The following CAPZB variants were observed in gnomAD, a reference collection of about 807,000 sequenced individuals.
CAPZB encodes capping actin protein of muscle Z-line subunit beta.
A neutral mutation model predicts 38.1 loss-of-function variants in CAPZB; 2 were observed. The ratio of observed to expected loss-of-function variants is 0.05; its 90% CI spans 0.02 to 0.17. CAPZB has a LOEUF of 0.17. Among genes scored for constraint, CAPZB ranks in the 10% least tolerant of loss-of-function variants. CAPZB has a pLI of 1.00. For synonymous variants in CAPZB, 107 were observed against 127.4 expected (o/e 0.84, Z 1.08); for missense variants, 161 against 334.2 (o/e 0.48, Z 4.04).
chr1:19,417,111 G>T (rs2094383496), intron 2 of CAPZB, among the ~76,000 whole-genome samples: 2 of 152,050 alleles, frequency 1.3e-5, no homozygotes, highest in African/African-American at 2.4e-5. Context: ...ACCCGCACGG[G>T]CAGCAAGGGA....
chr1:19,459,180 G>A (rs1051118498), intron 1 of CAPZB, among the ~76,000 whole-genome samples: 4 of 152,162 alleles, frequency 2.6e-5, no homozygotes, highest in Admixed American at 6.5e-5. Context: ...TGAGGACAAG[G>A]CTAATTTTAC....
At position 19,422,164 on chromosome 1, in the gene CAPZB, C is replaced by T. The variant is rs1405207498; in HGVS notation, c.4-2414G>A. On this transcript the variant is annotated intron_variant, in intron 1 of 8. Coordinates refer to ENST00000264202, the MANE Select transcript of CAPZB (RefSeq NM_004930.5). ...GCACACGTGCACACACATACACACA[C>T]ACCTCCAACAACCCTGCCAGGAGAC... Among the ~76,000 whole-genome samples the T allele has an allele frequency of 2.0e-5, 3 of 152,304 alleles. No homozygotes were observed. The East Asian group carries it at 5.8e-4, about 29-fold the overall frequency.
At position 19,372,781 on chromosome 1, in the gene CAPZB, G is replaced by C. The variant is rs111950188; in HGVS notation, c.329+5759C>G. 2.2e-4 allele frequency among the ~76,000 whole-genome samples: 33 copies of C among 152,252 alleles called. 1 individual carries two copies. The highest frequency in any genetic ancestry group is 7.7e-4 in the African/African-American group (32 of 41,548). On this transcript the variant is annotated intron_variant, in intron 4 of 8. Transcript: ENST00000264202. ...GGCCCGCTCGGCTGTCTTCCCCTCTGCCTCAGTGCTCAGTTCTCGTGACAT... is the reference window on the plus strand; with the variant it reads ...GGCCCGCTCGGCTGTCTTCCCCTCTCCCTCAGTGCTCAGTTCTCGTGACAT...
At chr1:19,434,599 T>A (rs1162406670) in intron 1 of CAPZB, among the ~76,000 whole-genome samples, 1 of 151,476 alleles carries the variant, frequency 6.6e-6, no homozygotes, top group Non-Finnish European at 1.5e-5. Context: ...ATTATCACCA[T>A]CTTCTTATAC....
intron 1 of CAPZB, among the ~76,000 whole-genome samples, chr1:19,464,330 C>T (rs1210806244): frequency 1.1e-4 from 15 of 134,224 alleles, no homozygotes; most frequent in African/African-American, 2.5e-4. Context: ...CTCGCTCTGT[C>T]GCCCAGGCTG....
At chr1:19,390,941 G>A (rs140187100) in intron 2 of CAPZB, among the ~76,000 whole-genome samples, 622 of 152,290 alleles carry the variant, frequency 4.1e-3, no homozygotes, top group Non-Finnish European at 7.3e-3. Context: ...TTTTAAAGAA[G>A]GGGAAACAGG....
At chr1:19,446,374 T>C (rs919112736) in intron 1 of CAPZB, among the ~76,000 whole-genome samples, 2 of 152,200 alleles carry the variant, frequency 1.3e-5, no homozygotes, top group Non-Finnish European at 1.5e-5. Flanking sequence ...GTGAGTAATA[T>C]GACAGTGAGC....
At chr1:19,429,440 C>A (rs574624082) in intron 1 of CAPZB, among the ~76,000 whole-genome samples, 1 of 152,142 alleles carries the variant, frequency 6.6e-6, no homozygotes, top group Non-Finnish European at 1.5e-5. Context: ...GGCAGAGATA[C>A]GATATACTAA....
chr1:19,378,484 G>A, intron 4 of CAPZB, 56 bp downstream of exon 4: 1 of 982,096 alleles, frequency 1.0e-6, no homozygotes, highest in Non-Finnish European at 1.7e-6. Flanking sequence ...CTGCCACTTA[G>A]GATTTACCTC....
In CAPZB at chr1:19,383,663, T is replaced by C. The variant is rs1014871487; in HGVS notation, c.215+1842A>G. Among the ~76,000 whole-genome samples, 9 of 152,138 alleles carry C rather than the reference T, an allele frequency of 5.9e-5. 1 individual carries two copies. In the South Asian group the frequency reaches 1.5e-3, roughly 25 times the overall value. On this transcript the variant is annotated intron_variant, in intron 3 of 8. Coordinates refer to ENST00000264202, the MANE Select transcript of CAPZB (RefSeq NM_004930.5). ...GGCCTCAGGGCTGTATCACCATCTATATGCTGGGACATCTGCAGCCACATC... is the reference window on the plus strand; with the variant it reads ...GGCCTCAGGGCTGTATCACCATCTACATGCTGGGACATCTGCAGCCACATC...
chr1:19,407,052 G>A (rs2094335841), intron 2 of CAPZB, among the ~76,000 whole-genome samples: 2 of 152,144 alleles, frequency 1.3e-5, no homozygotes, highest in Non-Finnish European at 2.9e-5. Flanking sequence ...TCCTAACCAA[G>A]CATTTCAGGC....
At chr1:19,461,074 C>T (rs1478438204) in intron 1 of CAPZB, among the ~76,000 whole-genome samples, 2 of 90,230 alleles carry the variant, frequency 2.2e-5, no homozygotes, top group South Asian at 5.2e-4. Flanking sequence ...GCAGCTGTCT[C>T]TTATTCACCC....
chr1:19,454,503 G>T (rs2094526971), intron 1 of CAPZB, among the ~76,000 whole-genome samples: 1 of 152,188 alleles, frequency 6.6e-6, no homozygotes, highest in African/African-American at 2.4e-5. Context: ...AGCGCTTAGA[G>T]TAGTGGCACA....
rs558104234 is a variant in CAPZB at position 19,344,321 on chromosome 1, T to C, written c.731+37A>G. ...GGCAGAGCCAGGGTTCAAATCCCTC[T>C]GTCTGCTTCTAAAGCTTGTGCTTTC... On this transcript the variant is annotated intron_variant, in intron 8 of 8. Coordinates refer to ENST00000264202, the MANE Select transcript of CAPZB (RefSeq NM_004930.5). 1.2e-5 allele frequency: 18 copies of C among 1,550,122 alleles called. No homozygotes were observed. In the African/African-American group the frequency reaches 2.3e-4, roughly 20 times the overall value.
rs551507020 is a variant in CAPZB, at chr1:19,469,832, T to C, written c.3+15604A>G. On this transcript the variant is annotated intron_variant, in intron 1 of 8. Transcript: ENST00000264202. ...GAGAGCACAGTAAAGGGCTTGCAAA[T>C]TGTTCACTTCTGTAATGCCCACAAG... 1.6e-4 allele frequency among the ~76,000 whole-genome samples: 24 copies of C among 150,706 alleles called. No homozygotes were observed. In the East Asian group the frequency reaches 3.9e-3, roughly 24 times the overall value.
chr1:19,378,675 T>C, intron 3 of CAPZB, 22 bp from the exon 4 acceptor site: 2 of 1,297,586 alleles, frequency 1.5e-6, no homozygotes, highest in East Asian at 2.3e-5. Context: ...GAAGGAAAAG[T>C]ATATACCATG....
intron 6 of CAPZB, among the ~76,000 whole-genome samples, chr1:19,347,958 T>G (rs535901841): frequency 2.4e-4 from 36 of 152,354 alleles, no homozygotes; most frequent in Non-Finnish European, 4.6e-4. Flanking sequence ...AAGGGTGCAT[T>G]TCATGCAGTA....
At chr1:19,464,954 A>G (rs563767240) in intron 1 of CAPZB, among the ~76,000 whole-genome samples, 1 of 152,316 alleles carries the variant, frequency 6.6e-6, no homozygotes, top group East Asian at 1.9e-4. Flanking sequence ...AAACTGTTCT[A>G]TAACTCGATT....
chr1:19,458,772 G>T (rs1558281079), intron 1 of CAPZB, among the ~76,000 whole-genome samples: 1 of 152,234 alleles, frequency 6.6e-6, no homozygotes, highest in Non-Finnish European at 1.5e-5. Flanking sequence ...AAATAGAGTG[G>T]TCTAAAAGCA....
Sources: allele counts gnomAD v4.1 joint callset (sites outside exome capture counted in the v4.1 genomes callset), GRCh38; gene constraint gnomAD v4.1.1; transcripts MANE v1.5; gene names NCBI Gene and HGNC (gene_info 2026-07-23, HGNC 2026-07-21).